RC3H1: variants seen among roughly 807,000 people sequenced by gnomAD.
RC3H1 encodes the protein ring finger and CCCH-type domains 1.
RC3H1 carries 50 observed loss-of-function variants against 138.2 expected under a neutral mutation model. The observed-to-expected ratio is 0.36, with a 90% CI of 0.29 to 0.46. The LOEUF is 0.46. Ranked by LOEUF, RC3H1 falls within the 20% of genes least tolerant of loss-of-function variation. The pLI is 1.00. For synonymous variants in RC3H1, 462 were observed against 489.1 expected (o/e 0.94, Z 0.73); for missense variants, 1,031 against 1,388.1 (o/e 0.74, Z 4.09).
At chr1:173,983,114 T>A in intron 4 of RC3H1, 1 of 479,770 alleles carries the variant, frequency 2.1e-6, no homozygotes, top group Non-Finnish European at 3.6e-6. Flanking sequence ...AAGTGATTAA[T>A]AAATTTAAGA....
chr1:173,957,387 A>G (rs1659693158), intron 13 of RC3H1, among the ~76,000 whole-genome samples: 1 of 152,216 alleles, frequency 6.6e-6, no homozygotes, highest in African/African-American at 2.4e-5. Flanking sequence ...CACACAGTGA[A>G]GGACACAACT....
Position 173,990,924 on chromosome 1 carries a change from C to A in RC3H1, c.231+1831G>T, listed in dbSNP as rs191364793. On this transcript the variant is annotated intron_variant, in intron 2 of 19. Coordinates refer to ENST00000367696, the MANE Select transcript of RC3H1 (RefSeq NM_172071.4). ...GCCTAAGAAAACTGTTATTAACATA[C>A]TGTGGATGAAAGTATGCAACACTAG... Among the ~76,000 whole-genome samples, 4 of 152,234 alleles carry A rather than the reference C, an allele frequency of 2.6e-5. No homozygotes were observed. The East Asian group carries it at 7.7e-4, about 29-fold the overall frequency.
chr1:174,021,933 C>T (rs1445771544), intron 1 of RC3H1, among the ~76,000 whole-genome samples, 163 bp downstream of exon 1: 1 of 152,200 alleles, frequency 6.6e-6, no homozygotes, highest in African/African-American at 2.4e-5. Context: ...GAACAGCCGG[C>T]GGGGGCCCTG....
At chr1:173,944,174 C>CA (rs201962234) in intron 17 of RC3H1, among the ~76,000 whole-genome samples, 916 of 57,198 alleles carry the variant, frequency 0.016, 7 homozygotes, top group East Asian at 0.039. Context: ...CTTTGTCTCT[C>CA]AAAAAAAAAA....
At position 173,965,050 on chromosome 1, in the gene RC3H1, C is replaced by T. The variant is rs1660050164; in HGVS notation, c.1405G>A (p.Val469Met). The T allele has an allele frequency of 6.2e-7, 1 of 1,614,078 alleles. No homozygotes were observed. The highest frequency in any genetic ancestry group is 1.3e-5 in the African/African-American group (1 of 74,920). ...AGGATAGCTGCTGAAGGCAGGCCCA[C>T]CTCATTAAGTTGACCCAAAGAGGCA... is the stretch of plus-strand genomic sequence containing the variant. Reference protein sequence around the residue: ...LSASLGQLNEVGLPSAAILPD... With the variant: ...LSASLGQLNEMGLPSAAILPD... Residue 469 changes from valine to methionine, a missense_variant, in exon 10 of 20, where the codon GTG becomes ATG. Around this residue, in one of 7 missense-constraint regions of RC3H1, gnomAD observed 716 missense variants for 837.9 expected, o/e 0.85. Coordinates refer to ENST00000367696, the MANE Select transcript of RC3H1 (RefSeq NM_172071.4).
intron 14 of RC3H1, among the ~76,000 whole-genome samples, chr1:173,951,689 C>A (rs755338748): frequency 3.2e-4 from 48 of 152,008 alleles, no homozygotes; most frequent in Non-Finnish European, 1.5e-4. Context: ...TGAAGAAGTC[C>A]AAGATCTTAA....
chr1:174,016,673 C>T (rs924874204), intron 1 of RC3H1, among the ~76,000 whole-genome samples: 5 of 151,642 alleles, frequency 3.3e-5, no homozygotes, highest in African/African-American at 1.2e-4. Context: ...CCTATAACCC[C>T]ATTAGAAATA....
Position 173,938,926 on chromosome 1 carries a change from T to C in RC3H1, c.3252-55A>G, listed in dbSNP as rs1658711422. The C allele has an allele frequency of 1.0e-5, 14 of 1,362,974 alleles. No individual in the cohort carries two copies. In the Middle Eastern group the frequency reaches 5.7e-4, roughly 55 times the overall value. The allele number at this position is 1,362,974 out of a possible 1,614,324, so 84.4% of individuals were successfully genotyped here. On this transcript the variant is annotated intron_variant, in intron 19 of 19. Coordinates refer to ENST00000367696, the MANE Select transcript of RC3H1 (RefSeq NM_172071.4). ...AGAGAGAGAAAAATGATTACTACAA[T>C]AAAATCAACAGGGGATATAATTTAG...
chr1:174,012,040 G>A (rs925540864), intron 1 of RC3H1, among the ~76,000 whole-genome samples: 5 of 152,030 alleles, frequency 3.3e-5, no homozygotes, highest in South Asian at 2.1e-4. Flanking sequence ...GCAAGACGCC[G>A]TCTCTACAAA....
intron 17 of RC3H1, among the ~76,000 whole-genome samples, chr1:173,944,336 T>A (rs1269143097): frequency 1.3e-5 from 2 of 152,168 alleles, no homozygotes; most frequent in Non-Finnish European, 2.9e-5. Context: ...CTGAGTTAAA[T>A]ATGTGGCAAG....
chr1:173,946,367 C>G, intron 17 of RC3H1, 109 bp downstream of exon 17: 1 of 958,982 alleles, frequency 1.0e-6, no homozygotes, highest in Non-Finnish European at 1.6e-6. Flanking sequence ...ATACTAACTC[C>G]TAAGAAATAG....
At position 173,953,954 on chromosome 1, in the gene RC3H1, G is replaced by T. The variant is rs1659526490; in HGVS notation, c.2371-1816C>A. On this transcript the variant is annotated intron_variant, in intron 13 of 19. Coordinates refer to ENST00000367696, the MANE Select transcript of RC3H1 (RefSeq NM_172071.4). ...CTCGAGAGGTTGAGGCAGGAAAATT[G>T]CTTGAACCTGGGAGGCGGAGGTTGC... Among the ~76,000 whole-genome samples the T allele has an allele frequency of 3.3e-5, 5 of 152,204 alleles. No homozygotes were observed. In the South Asian group the frequency reaches 1.0e-3, roughly 32 times the overall value.
chr1:173,983,731 G>T, intron 3 of RC3H1, 74 bp from the exon 4 acceptor site: 2 of 1,514,530 alleles, frequency 1.3e-6, no homozygotes, highest in Admixed American at 1.8e-5. Flanking sequence ...CTTCTGTTGG[G>T]TTAACTTGTG....
chr1:173,978,983 T>C (rs1660693150), intron 6 of RC3H1, among the ~76,000 whole-genome samples: 1 of 152,252 alleles, frequency 6.6e-6, no homozygotes, highest in African/African-American at 2.4e-5. Flanking sequence ...TTTTAATAAA[T>C]TCTCTTTTCT....
chr1:174,000,529 T>C (rs901425136), intron 1 of RC3H1, among the ~76,000 whole-genome samples: 2 of 152,208 alleles, frequency 1.3e-5, no homozygotes, highest in South Asian at 2.1e-4. Context: ...AGGTCTTACA[T>C]ATCTGAAATA....
At position 173,963,974 on chromosome 1, in the gene RC3H1, C is replaced by T; in HGVS notation, c.1830G>A (p.Gln610=). ...APPFEPAPYQ[Q]GMYYTPPPQC... The stretch of plus-strand genomic sequence containing the variant: ...GCAATATAAATTTAAAATCGTTACC[C>T]TGCTGATAAGGTGCTGGTTCAAATG... The change falls in exon 11 of 20, where the codon CAG becomes CAA. Residue 610 remains glutamine (Q), a splice_region_variant and synonymous_variant. Transcript: ENST00000367696. 6.2e-7 allele frequency: 1 copy of T among 1,613,382 alleles called. No homozygotes were observed. Among genetic ancestry groups the T allele is most frequent in the South Asian group, 1.1e-5 (1 of 91,010 alleles).
chr1:173,982,309 G>T (rs937186540), intron 5 of RC3H1, among the ~76,000 whole-genome samples: 1 of 151,198 alleles, frequency 6.6e-6, no homozygotes, highest in African/African-American at 2.4e-5. Context: ...AACGCAGGAG[G>T]TGGAGGTTGC....
Position 173,947,435 on chromosome 1 carries a change from G to C in RC3H1, c.2671C>G (p.Gln891Glu). 1 of 1,614,042 alleles carries C rather than the reference G, an allele frequency of 6.2e-7. No homozygotes were observed. Among genetic ancestry groups the C allele is most frequent in the Non-Finnish European group, 8.5e-7 (1 of 1,179,990 alleles). ...AISRTSKTIY[Q>E]GAGPMQAMAP... The stretch of plus-strand genomic sequence containing the variant: ...ATAGCCTGCATTGGACCAGCACCCT[G>C]ATATATAGTTTTGGAAGTTCGTGAG... The change falls in exon 15 of 20, where the codon CAG (glutamine) becomes GAG (glutamate). Residue 891 changes from glutamine (Q) to glutamate (E), a missense_variant. This residue lies in a region of RC3H1 where 716 missense variants were observed against 837.9 expected (regional missense o/e 0.85). Transcript: ENST00000367696.
At chr1:173,951,184 C>T (rs758406198) in intron 14 of RC3H1, among the ~76,000 whole-genome samples, 51 of 151,938 alleles carry the variant, frequency 3.4e-4, no homozygotes, top group Non-Finnish European at 5.6e-4. Context: ...AATTAGCTGG[C>T]CGTGGTGGCG....
Sources: allele counts gnomAD v4.1 joint callset (sites outside exome capture counted in the v4.1 genomes callset), GRCh38; gene constraint gnomAD v4.1.1; regional missense constraint gnomAD v4.1.1; transcripts MANE v1.5; gene names NCBI Gene and HGNC (gene_info 2026-07-23, HGNC 2026-07-21).